KLHL1: variants seen among roughly 807,000 people sequenced by gnomAD.
KLHL1 encodes the protein kelch like family member 1, also known as kelch-like protein 1.
Under a neutral mutation model 77.7 loss-of-function variants are expected in KLHL1, and 47 were observed. The ratio of observed to expected loss-of-function variants is 0.60; its 90% confidence interval spans 0.48 to 0.77. KLHL1 has a LOEUF of 0.77. Among genes scored for constraint, KLHL1 ranks in the 30% least tolerant of loss-of-function variants. The pLI, the probability that KLHL1 is intolerant of heterozygous loss-of-function variation, is 0.00. For missense variants in KLHL1, 925 were observed against 910.8 expected (o/e 1.02, Z -0.20); for synonymous variants, 360 against 325.2 (o/e 1.11, Z -1.15).
At chr13:69,732,635 G>C (rs1416280016) in intron 8 of KLHL1, among the ~76,000 whole-genome samples, 3 of 149,142 alleles carry the variant, frequency 2.0e-5, no homozygotes, top group Non-Finnish European at 4.5e-5. Flanking sequence ...AAAGGGTCTT[G>C]GTTTTTTGTT....
intron 3 of KLHL1, among the ~76,000 whole-genome samples, chr13:69,942,490 A>C (rs1883395961): frequency 6.6e-6 from 1 of 152,078 alleles, no homozygotes; most frequent in African/African-American, 2.4e-5. Context: ...TGACATAATA[A>C]AAAGTTATCT....
chr13:69,768,093 G>A (rs1300938573), intron 7 of KLHL1, among the ~76,000 whole-genome samples: 1 of 152,080 alleles, frequency 6.6e-6, no homozygotes, highest in Non-Finnish European at 1.5e-5. Context: ...TCTGTGCTGA[G>A]AAAGATCTTC....
intron 1 of KLHL1, among the ~76,000 whole-genome samples, chr13:70,066,241 T>G (rs1887002025): frequency 6.6e-6 from 1 of 152,192 alleles, no homozygotes; most frequent in Non-Finnish European, 1.5e-5. Flanking sequence ...TTTAGAAGCA[T>G]ATTAAGCAAG....
At chr13:69,765,548 G>A (rs1207492101) in intron 7 of KLHL1, among the ~76,000 whole-genome samples, 1 of 152,072 alleles carries the variant, frequency 6.6e-6, no homozygotes, top group Admixed American at 6.5e-5. Flanking sequence ...TTCCTACAAT[G>A]TCCGTGTCAC....
intron 4 of KLHL1, among the ~76,000 whole-genome samples, chr13:69,924,884 T>C (rs1343271605): frequency 6.6e-6 from 1 of 152,202 alleles, no homozygotes; most frequent in Non-Finnish European, 1.5e-5. Context: ...GTGGGACGCC[T>C]GGTCCAGCCA....
chr13:69,700,913 C>T lies in KLHL1; in HGVS notation c.*789G>A, dbSNP rs9542032. On this transcript the variant is annotated 3_prime_UTR_variant, in exon 11 of 11. Coordinates refer to ENST00000377844, the MANE Select transcript of KLHL1 (RefSeq NM_020866.3). ...TATATCATTCAGAATCACTAGCTTCCATGCTTACACTGAACTCAACATAAG... is the reference window on the plus strand; with the variant it reads ...TATATCATTCAGAATCACTAGCTTCTATGCTTACACTGAACTCAACATAAG... The T allele has an allele frequency of 0.025, 3,860 of 152,370 alleles. 67 individuals are homozygous for T. The highest frequency in any genetic ancestry group is 0.044 in the Middle Eastern group (13 of 294). 9.4% of individuals were successfully genotyped at this position (152,370 alleles called of 1,614,324 possible). A position where few individuals can be genotyped will look rare whatever the true frequency, so the allele number is the denominator to read the frequency against.
At chr13:70,020,317 C>T (rs1189787426) in intron 1 of KLHL1, among the ~76,000 whole-genome samples, 1 of 152,042 alleles carries the variant, frequency 6.6e-6, no homozygotes, top group Non-Finnish European at 1.5e-5. Flanking sequence ...GCAGAGTGAA[C>T]CATGCTCAAA....
chr13:70,038,338 A>G (rs1886288046), intron 1 of KLHL1, among the ~76,000 whole-genome samples: 2 of 152,262 alleles, frequency 1.3e-5, no homozygotes, highest in Middle Eastern at 3.4e-3. Flanking sequence ...TGTTTTGCCT[A>G]TTACAAATAA....
chr13:70,079,152 T>C (rs2137427863), intron 1 of KLHL1, among the ~76,000 whole-genome samples: 1 of 152,306 alleles, frequency 6.6e-6, no homozygotes, highest in Non-Finnish European at 1.5e-5. Flanking sequence ...CTTCCTGGCA[T>C]GTAGACCTGG....
At chr13:69,872,750 G>A (rs1227607045) in intron 5 of KLHL1, among the ~76,000 whole-genome samples, 2 of 152,214 alleles carry the variant, frequency 1.3e-5, no homozygotes, top group African/African-American at 2.4e-5. Context: ...AGAATAAAAC[G>A]GGGATTTTTT....
chr13:70,090,273 AGTGAGT>A (rs1207360345), intron 1 of KLHL1, among the ~76,000 whole-genome samples: 2 of 152,096 alleles, frequency 1.3e-5, no homozygotes, highest in Non-Finnish European at 2.9e-5. Context: ...TGATCTGCCT[AGTGAGT>A]GTTTCTGAGG....
chr13:70,032,908 A>C (rs1886140020), intron 1 of KLHL1, among the ~76,000 whole-genome samples: 1 of 152,138 alleles, frequency 6.6e-6, no homozygotes, highest in African/African-American at 2.4e-5. Flanking sequence ...ATTAAATATC[A>C]TTATTACTTT....
intron 7 of KLHL1, among the ~76,000 whole-genome samples, chr13:69,795,670 G>C (rs901517826): frequency 6.6e-6 from 1 of 151,990 alleles, no homozygotes; most frequent in African/African-American, 2.4e-5. Flanking sequence ...CCCTGAATTG[G>C]TGGCAAATCA....
chr13:69,814,355 C>T (rs1398598496), intron 6 of KLHL1, among the ~76,000 whole-genome samples: 1 of 152,074 alleles, frequency 6.6e-6, no homozygotes, highest in Non-Finnish European at 1.5e-5. Context: ...TAATGTATTA[C>T]TATGTCCTGA....
chr13:69,886,847 C>T (rs752966500), intron 4 of KLHL1, among the ~76,000 whole-genome samples: 6 of 152,202 alleles, frequency 3.9e-5, no homozygotes, highest in Admixed American at 6.5e-5. Context: ...CTCCTAGTCA[C>T]GGTTCTAAGC....
intron 1 of KLHL1, among the ~76,000 whole-genome samples, chr13:70,052,301 A>G (rs934958534): frequency 6.6e-6 from 1 of 151,934 alleles, no homozygotes; most frequent in Non-Finnish European, 1.5e-5. Context: ...ATCAAGATAA[A>G]ACAATTACTT....
At chr13:69,990,409 G>C (rs1193139065) in intron 1 of KLHL1, among the ~76,000 whole-genome samples, 1 of 151,878 alleles carries the variant, frequency 6.6e-6, no homozygotes, top group Non-Finnish European at 1.5e-5. Flanking sequence ...CAGGGGTATG[G>C]TGTCTTGAAG....
rs531646777 is a variant in KLHL1 at position 70,050,269 on chromosome 13, G to T, written c.497+56934C>A. Among the ~76,000 whole-genome samples, 4 of 151,658 alleles carry T rather than the reference G, an allele frequency of 2.6e-5. No individual in the cohort carries two copies. The South Asian group carries it at 6.2e-4, about 24-fold the overall frequency. ...CATAAAATAGTTACATATTTCTGAC[G>T]CCTTCTTCCTTCTTAAGAAATCTAC... On this transcript the variant is annotated intron_variant, in intron 1 of 10. Coordinates refer to ENST00000377844, the MANE Select transcript of KLHL1 (RefSeq NM_020866.3).
At chr13:70,074,286 A>G (rs577344289) in intron 1 of KLHL1, among the ~76,000 whole-genome samples, 77 of 152,268 alleles carry the variant, frequency 5.1e-4, no homozygotes, top group Middle Eastern at 6.8e-3. Context: ...TCTCGGCATC[A>G]CTACAGTTGC....
Sources: allele counts gnomAD v4.1 joint callset (sites outside exome capture counted in the v4.1 genomes callset), GRCh38; gene constraint gnomAD v4.1.1; transcripts MANE v1.5; gene names NCBI Gene and HGNC (gene_info 2026-07-23, HGNC 2026-07-21).